ALG9: variants seen among roughly 807,000 people sequenced by gnomAD.
ALG9 encodes the protein ALG9 alpha-1,2-mannosyltransferase, also known as alpha-1,2-mannosyltransferase ALG9.
A neutral mutation model predicts 81.8 loss-of-function variants in ALG9; 55 were observed. The ratio of observed to expected loss-of-function variants is 0.67; its 90% confidence interval spans 0.54 to 0.84. The LOEUF (loss-of-function observed/expected upper bound fraction) is 0.84, where lower values mean the gene tolerates loss of function less well. Among genes scored for constraint, ALG9 ranks in the 40% least tolerant of loss-of-function variants. ALG9 has a pLI of 0.00. For missense variants in ALG9, 629 were observed against 745.0 expected, an observed-to-expected ratio of 0.84 and a Z score of 1.81; for synonymous variants, 278 against 274.3, an observed-to-expected ratio of 1.01 and a Z score of -0.13.
rs1220761952 is a variant in ALG9, at chr11:111,857,356, G to A, written c.701+246C>T. Among the ~76,000 whole-genome samples the A allele has an allele frequency of 2.6e-5, 4 of 152,282 alleles. No individual in the cohort carries two copies. In the South Asian group the frequency reaches 6.2e-4, roughly 24 times the overall value. The stretch of plus-strand genomic sequence containing the variant: ...TATTTCTCCTGCAGAGTTGTTGTAA[G>A]GTTTCAAGATAAGGTTTACGAAGGG... On this transcript the variant is annotated intron_variant, in intron 6 of 14. Coordinates refer to ENST00000616540, the MANE Select transcript of ALG9 (RefSeq NM_024740.2).
the ALG9 span, among the ~76,000 whole-genome samples, chr11:111,772,893 G>A: frequency 6.6e-6 from 1 of 152,090 alleles, no homozygotes; most frequent in African/African-American, 2.4e-5. Context: ...AGGAGTGAGA[G>A]TCATGATGAA....
chr11:111,853,568 A>G lies in ALG9; in HGVS notation c.789+81T>C, dbSNP rs1555140872. On this transcript the variant is annotated intron_variant, in intron 7 of 14. Transcript: ENST00000616540. ...TAAACCTGAGAATGAAAAACAGAAT[A>G]AACTCCTGATGTTCCTTTTTTCACA... The G allele has an allele frequency of 2.6e-6, 4 of 1,565,138 alleles. No homozygotes were observed. The African/African-American group carries it at 5.4e-5, about 21-fold the overall frequency.
chr11:111,787,216 A>G (rs1367186158), intron 14 of ALG9, among the ~76,000 whole-genome samples: 1 of 152,054 alleles, frequency 6.6e-6, no homozygotes, highest in Non-Finnish European at 1.5e-5. Flanking sequence ...AGATCATTTG[A>G]GGTCAGGAGT....
rs142881279 is a variant in ALG9, at chr11:111,794,086, G to A, written c.1734-7566C>T. 3.3e-5 allele frequency among the ~76,000 whole-genome samples: 5 copies of A among 152,294 alleles called. No individual in the cohort carries two copies. The East Asian group carries it at 5.8e-4, about 18-fold the overall frequency. On this transcript the variant is annotated intron_variant, in intron 14 of 14. Coordinates refer to ENST00000616540, the MANE Select transcript of ALG9 (RefSeq NM_024740.2). ...TGCCTGCACAGCATAATTAGCTCAC[G>A]GCTCAGAATGTTTTCTAATTCAATT...
At chr11:111,853,821 G>T in intron 6 of ALG9, 85 bp from the exon 7 acceptor site, 1 of 1,219,436 alleles carries the variant, frequency 8.2e-7, no homozygotes, top group Non-Finnish European at 1.2e-6. Flanking sequence ...GCTGAACTGA[G>T]AATAAAATGC....
Position 111,868,594 on chromosome 11 carries a change from G to T in ALG9, c.405+8C>A, listed in dbSNP as rs559793984. ...ATTGTGATTGCTTCCAGGTTGGTCT[G>T]CCCTTACCTTATTAGTTTGTAGAAT... On this transcript the variant is annotated splice_region_variant and intron_variant, in intron 3 of 14. Transcript: ENST00000616540. The T allele has an allele frequency of 6.4e-5, 104 of 1,613,718 alleles. No homozygotes were observed. The highest frequency in any genetic ancestry group is 4.2e-4 in the Admixed American group (25 of 59,992).
chr11:111,845,701 G>A (rs991311962), intron 8 of ALG9, among the ~76,000 whole-genome samples: 1 of 152,116 alleles, frequency 6.6e-6, no homozygotes, highest in Non-Finnish European at 1.5e-5. Flanking sequence ...TGACACATGC[G>A]GGTTTTAATC....
At chr11:111,773,167 A>C in the ALG9 span, among the ~76,000 whole-genome samples, 1 of 152,030 alleles carries the variant, frequency 6.6e-6, no homozygotes, top group East Asian at 1.9e-4. Context: ...ACATCTGGAG[A>C]CTATGTTCAA....
In ALG9 at chr11:111,786,023, A is replaced by G. The variant is rs1391015725; in HGVS notation, c.*374T>C. The G allele has an allele frequency of 6.6e-6, 3 of 457,516 alleles. No individual in the cohort carries two copies. Among genetic ancestry groups the G allele is most frequent in the African/African-American group, 6.0e-5 (3 of 50,124 alleles). The allele number at this position is 457,516 out of a possible 1,614,324, so 28.3% of individuals were successfully genotyped here. On this transcript the variant is annotated 3_prime_UTR_variant, in exon 15 of 15. Coordinates refer to ENST00000616540, the MANE Select transcript of ALG9 (RefSeq NM_024740.2). ...TCAGATGCCAGGCCAGAGTGTGGAG[A>G]ACAGCTTATCACAGCCATCCAGTAC...
chr11:111,808,676 A>C (rs1424332075), intron 14 of ALG9, among the ~76,000 whole-genome samples: 2 of 152,154 alleles, frequency 1.3e-5, no homozygotes, highest in Non-Finnish European at 2.9e-5. Context: ...TCTGAGCCCC[A>C]GACCTGACTC....
At chr11:111,779,041 C>T (rs1170948180), downstream of ALG9, among the ~76,000 whole-genome samples, 1 of 151,996 alleles carries the variant, frequency 6.6e-6, no homozygotes, top group African/African-American at 2.4e-5. Flanking sequence ...CTCGAACTCC[C>T]GACCTCAGGT....
At chr11:111,836,701 C>T (rs376928702) in intron 12 of ALG9, 31 of 230,016 alleles carry the variant, frequency 1.3e-4, no homozygotes, top group African/African-American at 6.5e-4. Flanking sequence ...TACTTTGTTC[C>T]GGAGTAACCC....
chr11:111,848,329 T>A (rs1957216881), intron 8 of ALG9, among the ~76,000 whole-genome samples: 1 of 152,190 alleles, frequency 6.6e-6, no homozygotes, highest in Non-Finnish European at 1.5e-5. Flanking sequence ...GTCTAGAATG[T>A]CTCACTAATA....
chr11:111,852,043 C>G (rs529884798), intron 8 of ALG9, among the ~76,000 whole-genome samples: 57 of 152,224 alleles, frequency 3.7e-4, no homozygotes, highest in African/African-American at 1.3e-3. Context: ...TCAAGTAAAT[C>G]TCATTCATAT....
chr11:111,839,542 G>A (rs1317088292), intron 10 of ALG9, among the ~76,000 whole-genome samples: 14 of 124,622 alleles, frequency 1.1e-4, no homozygotes, highest in African/African-American at 4.2e-4. Flanking sequence ...CCGAGATTGC[G>A]CCACTGCACT....
intron 14 of ALG9, among the ~76,000 whole-genome samples, chr11:111,795,981 G>A (rs927698483): frequency 6.6e-6 from 1 of 152,268 alleles, no homozygotes; most frequent in African/African-American, 2.4e-5. Context: ...GCCAATGTTC[G>A]AGAGAGTTTT....
intron 14 of ALG9, among the ~76,000 whole-genome samples, chr11:111,787,205 C>G (rs533147255): frequency 2.6e-5 from 4 of 152,126 alleles, no homozygotes; most frequent in African/African-American, 9.6e-5. Context: ...CCGAGGCAGG[C>G]AGATCATTTG....
rs1335299563 is a variant in ALG9 at position 111,826,620 on chromosome 11, T to C, written c.1602+9545A>G. On this transcript the variant is annotated intron_variant, in intron 13 of 14. Transcript: ENST00000616540. ...CAATCCTCACCTCTCCTGGTAGCTT[T>C]TGATTTTTCAATTATCAAATAGTAA... 6.6e-5 allele frequency among the ~76,000 whole-genome samples: 10 copies of C among 152,256 alleles called. No individual in the cohort carries two copies. The East Asian group carries it at 1.5e-3, about 23-fold the overall frequency.
At position 111,871,197 on chromosome 11, in the gene ALG9, G is replaced by A. The variant is rs1372076773; in HGVS notation, c.131+155C>T. ...CGAAGACTGAATGCTGACCCGCCCA[G>A]GAAGACCAATAGGACCTAGCTGAAG... is the stretch of plus-strand genomic sequence containing the variant. On this transcript the variant is annotated intron_variant, in intron 1 of 14. Transcript: ENST00000616540. 11 of 1,302,844 alleles carry A rather than the reference G, an allele frequency of 8.4e-6. No individual in the cohort carries two copies. In the South Asian group the frequency reaches 2.6e-4, roughly 31 times the overall value. 80.7% of individuals were successfully genotyped at this position (1,302,844 alleles called of 1,614,324 possible).
Sources: gnomAD v4.1 joint callset for allele counts (sites outside exome capture counted in the v4.1 genomes callset) on GRCh38, gnomAD v4.1.1 for gene constraint, MANE v1.5 for transcripts, NCBI Gene and HGNC (gene_info 2026-07-23, HGNC 2026-07-21) for gene names.